The following SETX variants were observed in gnomAD, a reference collection of about 807,000 sequenced individuals.
SETX encodes the protein senataxin.
A neutral mutation model predicts 227.2 loss-of-function variants in SETX; 90 were observed. The ratio of observed to expected loss-of-function variants is 0.40; its 90% CI spans 0.33 to 0.47. The LOEUF (loss-of-function observed/expected upper bound fraction) is 0.47, where lower values mean the gene tolerates loss of function less well. SETX is among the 20% of genes least tolerant of loss of function. The pLI, the probability that SETX is intolerant of heterozygous loss-of-function variation, is 0.91. For synonymous variants in SETX, 1,210 were observed against 1,113.2 expected, an observed-to-expected ratio of 1.09 and a Z score of -1.73; for missense variants, 3,052 against 3,181.5, an observed-to-expected ratio of 0.96 and a Z score of 0.98.
chr9:132,312,160 T>C (rs1211808428), intron 10 of SETX, among the ~76,000 whole-genome samples: 1 of 152,222 alleles, frequency 6.6e-6, no homozygotes, highest in Non-Finnish European at 1.5e-5. Flanking sequence ...TGTGGGCAGA[T>C]GTGGAGCATT....
rs780964798 is a variant in SETX at position 132,329,981 on chromosome 9, A to C, written c.1617T>G (p.Ile539Met). ...NSVQLAYVQLIRSLLKEGYQL... is the reference protein window; with the variant it reads ...NSVQLAYVQLMRSLLKEGYQL... Reference sequence around the variant, plus strand: ...GATAACCTTCTTTAAGGAGACTTCTAATCAGCTGCACATAAGCAAGTTGTA... The same window carrying C: ...GATAACCTTCTTTAAGGAGACTTCTCATCAGCTGCACATAAGCAAGTTGTA... The change falls in exon 10 of 26, where the codon ATT becomes ATG. Residue 539 changes from isoleucine (I) to methionine (M), a missense_variant. Ile to Met is a conservative substitution (Grantham distance 10). Coordinates refer to ENST00000224140, the MANE Select transcript of SETX (RefSeq NM_015046.7). The C allele has an allele frequency of 3.7e-6, 6 of 1,614,044 alleles. No homozygotes were observed. In the South Asian group the frequency reaches 6.6e-5, roughly 18 times the overall value.
chr9:132,330,074 AGAT>A lies in SETX; in HGVS notation c.1521_1523del (p.Ser508del). 6.2e-7 allele frequency: 1 copy of A among 1,614,248 alleles called. No individual in the cohort carries two copies. Among genetic ancestry groups the A allele is most frequent in the Non-Finnish European group, 8.5e-7 (1 of 1,180,020 alleles). ...TTGCTGTTCCTTTGGAGCAATTTCC[AGAT>A]GATTTCTCAGAACTCCGTGTAAACG... On this transcript the variant is annotated inframe_deletion, in exon 10 of 26. Coordinates refer to ENST00000224140, the MANE Select transcript of SETX (RefSeq NM_015046.7).
At chr9:132,309,266 G>A (rs925083168) in intron 11 of SETX, among the ~76,000 whole-genome samples, 3 of 152,082 alleles carry the variant, frequency 2.0e-5, no homozygotes, top group Non-Finnish European at 4.4e-5. Context: ...ATCTCAAGAA[G>A]AACAGACTGA....
upstream of SETX, chr9:132,355,113 G>C (rs982587713): frequency 2.0e-5 from 3 of 152,364 alleles, no homozygotes; most frequent in East Asian, 1.9e-4. Flanking sequence ...CCCAGGGGGC[G>C]GGGCATGGGA....
At chr9:132,288,949 C>A (rs1395903400) in intron 15 of SETX, among the ~76,000 whole-genome samples, 42 of 152,126 alleles carry the variant, frequency 2.8e-4, no homozygotes. Flanking sequence ...CATTTTCAAA[C>A]TATGTTCAGT....
intron 15 of SETX, among the ~76,000 whole-genome samples, chr9:132,293,229 C>T (rs1844448007): frequency 6.6e-6 from 1 of 152,046 alleles, no homozygotes; most frequent in South Asian, 2.1e-4. Flanking sequence ...CCATTCATAA[C>T]AAAAACACTA....
intron 18 of SETX, among the ~76,000 whole-genome samples, chr9:132,284,548 G>C (rs889280212): frequency 1.3e-5 from 2 of 152,150 alleles, no homozygotes; most frequent in African/African-American, 2.4e-5. Flanking sequence ...CTGACAATCA[G>C]GGTATACACC....
Position 132,346,262 on chromosome 9 carries a change from A to C in SETX, c.387T>G (p.Val129=). ...TTGAGGAACCATCAAGATACTCACT[A>C]ACACGTTCATGTAGAAGCAAGTAAG... ...KYPYLLLHER[V]NELCVEALCR... Residue 129 remains valine, a splice_region_variant and synonymous_variant, in exon 4 of 26, where the codon GTT becomes GTG. Transcript: ENST00000224140. 6.2e-7 allele frequency: 1 copy of C among 1,609,996 alleles called. No homozygotes were observed. The highest frequency in any genetic ancestry group is 8.5e-7 in the Non-Finnish European group (1 of 1,176,330).
intron 5 of SETX, among the ~76,000 whole-genome samples, chr9:132,342,203 C>A (rs1848017407): frequency 6.6e-6 from 1 of 152,132 alleles, no homozygotes; most frequent in African/African-American, 2.4e-5. Context: ...AGCCAAAGGG[C>A]TATGTCAGGT....
rs1554800787 is a variant in SETX, at chr9:132,262,472, T to C, written c.*1767A>G. 6.6e-6 allele frequency: 1 copy of C among 152,224 alleles called. No homozygotes were observed. The highest frequency in any genetic ancestry group is 1.5e-5 in the Non-Finnish European group (1 of 68,060). The allele number at this position is 152,224 out of a possible 1,614,324, so 9.4% of individuals were successfully genotyped here. ...CCCAAAGGCACATGGAAGAAGCTGA[T>C]AGAGCCCTTGACCCAGACAGAATGG... is the stretch of plus-strand genomic sequence containing the variant. On this transcript the variant is annotated 3_prime_UTR_variant, in exon 26 of 26. Coordinates refer to ENST00000224140, the MANE Select transcript of SETX (RefSeq NM_015046.7).
At chr9:132,334,560 C>T (rs1193620428) in intron 7 of SETX, 48 bp downstream of exon 7, 3 of 1,603,840 alleles carry the variant, frequency 1.9e-6, no homozygotes, top group Non-Finnish European at 1.7e-6. Flanking sequence ...TTTTAAAGTG[C>T]ATCATCATCA....
In SETX at chr9:132,277,050, G is replaced by A. The variant is rs970681744; in HGVS notation, c.6935+10C>T. 4 of 1,610,222 alleles carry A rather than the reference G, an allele frequency of 2.5e-6. No homozygotes were observed. The highest frequency in any genetic ancestry group is 2.7e-5 in the African/African-American group (2 of 74,742). On this transcript the variant is annotated intron_variant, in intron 22 of 25. Coordinates refer to ENST00000224140, the MANE Select transcript of SETX (RefSeq NM_015046.7). ...GACTATCAGAGGACTGAGGCAAGAG[G>A]AAAACATACTCATTATCCCGTCTTT... is the stretch of plus-strand genomic sequence containing the variant.
chr9:132,284,306 C>G (rs1353713041), intron 18 of SETX, among the ~76,000 whole-genome samples: 1 of 152,216 alleles, frequency 6.6e-6, no homozygotes, highest in Non-Finnish European at 1.5e-5. Flanking sequence ...AAAGATTAAT[C>G]TGGGGTTCTG....
rs1417093374 is a variant in SETX at position 132,327,693 on chromosome 9, C to G, written c.3905G>C (p.Arg1302Pro). ...TAATTGAGCTACATAATCCAAAGAC[C>G]GCTGGGACAACTCATATGCCTTACG... ...GPRKAYELSQRSLDYVAQLRD... is the reference protein window; with the variant it reads ...GPRKAYELSQPSLDYVAQLRD... The change falls in exon 10 of 26, where the codon CGG (arginine) becomes CCG (proline). Residue 1302 changes from arginine to proline, a missense_variant. Physicochemically the swap from Arg to Pro is moderately radical, Grantham distance 103. Coordinates refer to ENST00000224140, the MANE Select transcript of SETX (RefSeq NM_015046.7). The G allele has an allele frequency of 1.2e-6, 2 of 1,613,956 alleles. No homozygotes were observed. The highest frequency in any genetic ancestry group is 1.3e-5 in the African/African-American group (1 of 74,998).
chr9:132,284,153 C>T (rs187318367), intron 18 of SETX, among the ~76,000 whole-genome samples: 45 of 152,366 alleles, frequency 3.0e-4, no homozygotes, highest in Non-Finnish European at 5.1e-4. Context: ...TGGTCCTCCA[C>T]GGCTCACACA....
At chr9:132,332,280 A>G (rs1847283533) in intron 7 of SETX, among the ~76,000 whole-genome samples, 1 of 152,244 alleles carries the variant, frequency 6.6e-6, no homozygotes, top group South Asian at 2.1e-4. Context: ...AATAAGCACT[A>G]GAATGCCCTC....
chr9:132,283,662 T>C (rs1163921566), intron 18 of SETX, among the ~76,000 whole-genome samples: 1 of 152,216 alleles, frequency 6.6e-6, no homozygotes, highest in Non-Finnish European at 1.5e-5. Flanking sequence ...AAAATTTTTA[T>C]CCAGGGTTTG....
chr9:132,331,325 T>C lies in SETX; in HGVS notation c.962A>G (p.Asn321Ser), dbSNP rs755982992. ...PIVAFQTIIN[N>S]ASYNREIRHI... ...TCGGATCTCTCTATTGTAGCTTGCG[T>C]TGTTGATAATGGTTTGAAATGCCAC... is the stretch of plus-strand genomic sequence containing the variant. The change falls in exon 8 of 26, where the codon AAC becomes AGC. Residue 321 changes from asparagine to serine, a missense_variant. This residue lies in a region of SETX where 239 missense variants were observed against 240.8 expected (regional missense o/e 0.99). Transcript: ENST00000224140. 1 of 1,614,120 alleles carries C rather than the reference T, an allele frequency of 6.2e-7. No individual in the cohort carries two copies. The highest frequency in any genetic ancestry group is 1.7e-5 in the Admixed American group (1 of 60,024).
At chr9:132,299,735 G>A (rs1844876100) in intron 12 of SETX, among the ~76,000 whole-genome samples, 1 of 152,274 alleles carries the variant, frequency 6.6e-6, no homozygotes, top group East Asian at 1.9e-4. Context: ...TAACACTGAT[G>A]ACAGCCTTGA....
Sources: allele counts gnomAD v4.1 joint callset (sites outside exome capture counted in the v4.1 genomes callset), GRCh38; gene constraint gnomAD v4.1.1; regional missense constraint gnomAD v4.1.1; transcripts MANE v1.5; gene names NCBI Gene and HGNC (gene_info 2026-07-23, HGNC 2026-07-21).